Variants in NTNG1 observed in about 807,000 individuals in gnomAD.
NTNG1 encodes the protein netrin G1.
In NTNG1, 16 loss-of-function variants were observed where a neutral mutation model predicts 54.0. That is an observed-to-expected ratio of 0.30 (90% CI 0.20 to 0.45). The LOEUF is 0.45. Ranked by LOEUF, NTNG1 falls within the 20% of genes least tolerant of loss-of-function variation. The pLI, the probability that NTNG1 is intolerant of heterozygous loss-of-function variation, is 1.00. For missense variants in NTNG1, 530 were observed against 678.7 expected (o/e 0.78, Z 2.43); for synonymous variants, 255 against 263.1 (o/e 0.97, Z 0.30).
intron 2 of NTNG1, among the ~76,000 whole-genome samples, chr1:107,189,076 G>A (rs1238072948): frequency 1.3e-5 from 2 of 151,974 alleles, no homozygotes; most frequent in Non-Finnish European, 2.9e-5. Context: ...TATAGGCCTA[G>A]CACCGTGGCT....
chr1:107,213,084 TTC>T (rs1659700818), intron 2 of NTNG1, among the ~76,000 whole-genome samples: 1 of 151,650 alleles, frequency 6.6e-6, no homozygotes, highest in African/African-American at 2.4e-5. Flanking sequence ...ATGAAATATT[TTC>T]ATTTTAGCTG....
Position 107,299,360 on chromosome 1 carries a change from A to G in NTNG1, c.247-24922A>G, listed in dbSNP as rs189065101. Among the ~76,000 whole-genome samples, 189 of 152,326 alleles carry G rather than the reference A, an allele frequency of 1.2e-3. 1 individual carries two copies. Among genetic ancestry groups the G allele is most frequent in the African/African-American group, 4.4e-3 (184 of 41,582 alleles). On this transcript the variant is annotated intron_variant, in intron 2 of 7. Transcript: ENST00000370068. ...AAAATAAAAATTGTAATAACAAAGC[A>G]TTATGTCATAGTTTAATTTGAAGCG... is the stretch of plus-strand genomic sequence containing the variant.
chr1:107,167,017 A>C (rs910781159), intron 2 of NTNG1, among the ~76,000 whole-genome samples: 13 of 152,132 alleles, frequency 8.5e-5, no homozygotes, highest in African/African-American at 2.9e-4. Context: ...AATCTCTGAC[A>C]TTCAGAGGAC....
intron 4 of NTNG1, among the ~76,000 whole-genome samples, chr1:107,396,478 T>C (rs1210117068): frequency 6.6e-6 from 1 of 152,162 alleles, no homozygotes; most frequent in African/African-American, 2.4e-5. Context: ...ATTCAGTTGC[T>C]TTCAGTGTTA....
chr1:107,439,589 T>G (rs1208630091), intron 7 of NTNG1, among the ~76,000 whole-genome samples: 1 of 152,138 alleles, frequency 6.6e-6, no homozygotes, highest in Non-Finnish European at 1.5e-5. Context: ...AAACACACCT[T>G]TGGGAACATA....
intron 2 of NTNG1, among the ~76,000 whole-genome samples, chr1:107,246,945 A>G (rs893546428): frequency 9.6e-5 from 14 of 145,686 alleles, no homozygotes; most frequent in Admixed American, 7.8e-4. Flanking sequence ...TTATTCCTAT[A>G]AAGACATGTC....
chr1:107,391,630 C>T (rs1672368975), intron 3 of NTNG1, among the ~76,000 whole-genome samples: 1 of 152,062 alleles, frequency 6.6e-6, no homozygotes, highest in Admixed American at 6.6e-5. Context: ...TGATGAGGGC[C>T]TCAGGAAGCT....
chr1:107,470,892 CT>C (rs1021083302), intron 7 of NTNG1, among the ~76,000 whole-genome samples: 15 of 152,230 alleles, frequency 9.9e-5, no homozygotes, highest in African/African-American at 3.6e-4. Context: ...TTAATTCTTT[CT>C]CGATATCAGC....
At chr1:107,360,755 C>A (rs931920959) in intron 3 of NTNG1, among the ~76,000 whole-genome samples, 2 of 152,150 alleles carry the variant, frequency 1.3e-5, no homozygotes, top group Non-Finnish European at 2.9e-5. Flanking sequence ...ACATCCTATG[C>A]TAAGCCCTGT....
chr1:107,265,046 T>C (rs995477192), intron 2 of NTNG1, among the ~76,000 whole-genome samples: 1 of 152,190 alleles, frequency 6.6e-6, no homozygotes, highest in Non-Finnish European at 1.5e-5. Context: ...AAGTATTTAT[T>C]GAATGAATGA....
chr1:107,327,380 T>C (rs571694893), intron 3 of NTNG1, among the ~76,000 whole-genome samples: 1 of 152,254 alleles, frequency 6.6e-6, no homozygotes, highest in African/African-American at 2.4e-5. Context: ...TGAGCTATAG[T>C]CTGGTTCAGG....
intron 3 of NTNG1, among the ~76,000 whole-genome samples, chr1:107,386,347 T>C (rs1157227126): frequency 1.3e-5 from 2 of 151,756 alleles, no homozygotes; most frequent in African/African-American, 4.8e-5. Flanking sequence ...CTTTTTTTTG[T>C]ATTTTTAGTA....
intron 3 of NTNG1, among the ~76,000 whole-genome samples, chr1:107,334,802 A>T (rs1252295485): frequency 1.3e-5 from 2 of 151,984 alleles, no homozygotes; most frequent in Non-Finnish European, 2.9e-5. Flanking sequence ...AAGTTCAATA[A>T]ATATTTATTG....
At chr1:107,450,916 G>T (rs1676580691) in intron 7 of NTNG1, among the ~76,000 whole-genome samples, 1 of 151,982 alleles carries the variant, frequency 6.6e-6, no homozygotes, top group Non-Finnish European at 1.5e-5. Context: ...ACTAAGTGGG[G>T]TTCTCTACCT....
chr1:107,419,049 G>C (rs1674406333), intron 5 of NTNG1, among the ~76,000 whole-genome samples: 2 of 151,960 alleles, frequency 1.3e-5, no homozygotes, highest in African/African-American at 4.8e-5. Context: ...TAAATACATA[G>C]AGGTAGTATT....
chr1:107,393,101 G>T (rs1281030732), intron 3 of NTNG1, among the ~76,000 whole-genome samples: 1 of 152,122 alleles, frequency 6.6e-6, no homozygotes, highest in East Asian at 1.9e-4. Context: ...AATGGAAATT[G>T]CCTGTAACTC....
chr1:107,321,286 G>T (rs775806742), intron 2 of NTNG1, among the ~76,000 whole-genome samples: 33 of 152,000 alleles, frequency 2.2e-4, no homozygotes, highest in Non-Finnish European at 4.0e-4. Flanking sequence ...CTTAAATATG[G>T]CAATCAATAA....
At chr1:107,190,386 C>A in intron 2 of NTNG1, among the ~76,000 whole-genome samples, 1 of 151,950 alleles carries the variant, frequency 6.6e-6, no homozygotes, top group African/African-American at 2.4e-5. Context: ...TAGAAGAAGC[C>A]AAGAGTTCTT....
chr1:107,263,433 A>C (rs969945589), intron 2 of NTNG1, among the ~76,000 whole-genome samples: 2 of 149,732 alleles, frequency 1.3e-5, no homozygotes, highest in Admixed American at 6.6e-5. Context: ...TACTCTTTCT[A>C]TTTAGGCATT....
Sources: gnomAD v4.1 joint callset for allele counts (sites outside exome capture counted in the v4.1 genomes callset) on GRCh38, gnomAD v4.1.1 for gene constraint, MANE v1.5 for transcripts, NCBI Gene and HGNC (gene_info 2026-07-23, HGNC 2026-07-21) for gene names.